The following IGFL4 variants were observed in gnomAD, a reference collection of about 807,000 sequenced individuals.
IGFL4 encodes the protein insulin growth factor-like family member 4.
Under a neutral mutation model 15.4 loss-of-function variants are expected in IGFL4, and 12 were observed. The ratio of observed to expected loss-of-function variants is 0.78; its 90% CI spans 0.50 to 1.26. The LOEUF (loss-of-function observed/expected upper bound fraction) is 1.26, where lower values mean the gene tolerates loss of function less well. Ranked by LOEUF, IGFL4 falls within the 50% of genes most tolerant of loss-of-function variation. The probability of loss-of-function intolerance (pLI) is 0.00; values close to 1 mark genes in which losing one functional copy is unlikely to be tolerated. For missense variants in IGFL4, 126 were observed against 147.8 expected (o/e 0.85, Z 0.76); for synonymous variants, 54 against 55.9 (o/e 0.97, Z 0.16).
chr19:46,042,127 T>G (rs373321393), upstream of IGFL4, among the ~76,000 whole-genome samples: 101,435 of 151,548 alleles, frequency 0.67, 34,531 homozygotes, highest in East Asian at 0.86. Flanking sequence ...TTGTGCTTAT[T>G]TGCACTCCAG....
intron 1 of IGFL4, among the ~76,000 whole-genome samples, chr19:46,069,010 G>A (rs1969520777): frequency 6.6e-6 from 1 of 152,190 alleles, no homozygotes; most frequent in Non-Finnish European, 1.5e-5. Context: ...TGACTGGAGG[G>A]GCAGTGCTGA....
intron 2 of IGFL4, among the ~76,000 whole-genome samples, chr19:46,047,624 T>C (rs1220133236): frequency 1.3e-5 from 2 of 151,994 alleles, no homozygotes; most frequent in Non-Finnish European, 2.9e-5. Context: ...TAAACAAACA[T>C]CACAGAATAC....
At chr19:46,073,231 G>C (rs1314613775) in intron 1 of IGFL4, among the ~76,000 whole-genome samples, 1 of 152,102 alleles carries the variant, frequency 6.6e-6, no homozygotes, top group Non-Finnish European at 1.5e-5. Context: ...ATTTCAAAAT[G>C]GCAGGTTAAA....
exon 2 of IGFL4, chr19:46,060,254 G>A (rs1343205782): frequency 6.6e-6 from 1 of 152,172 alleles, no homozygotes; most frequent in Non-Finnish European, 1.5e-5. Context: ...GTTCACAGGA[G>A]TTAAGCTGTC....
At chr19:46,062,731 G>C (rs1568715138) in intron 1 of IGFL4, 1 of 152,294 alleles carries the variant, frequency 6.6e-6, no homozygotes, top group Non-Finnish European at 1.5e-5. Flanking sequence ...AAAGAACTCA[G>C]GGAGGCCAGA....
chr19:46,040,724 C>A lies in IGFL4; in HGVS notation c.20-156G>T. ...TGCAGGTCCTGGGGACTGGGCTTGG[C>A]AGGTGAGGAAAGGCAGGGAGGGCTC... On this transcript the variant is annotated intron_variant, in intron 1 of 3. Coordinates refer to ENST00000377697, the MANE Select transcript of IGFL4 (RefSeq NM_001002923.3). The surrounding 1 kb of genome is among the most constrained non-coding windows in gnomAD (Gnocchi z 4.1). 1 of 996,028 alleles carries A rather than the reference C, an allele frequency of 1.0e-6. No homozygotes were observed. The highest frequency in any genetic ancestry group is 1.4e-5 in the South Asian group (1 of 70,478). The allele number at this position is 996,028 out of a possible 1,614,324, so 61.7% of individuals were successfully genotyped here.
At chr19:46,076,200 ATC>A (rs946640054) in intron 1 of IGFL4, among the ~76,000 whole-genome samples, 12 of 152,310 alleles carry the variant, frequency 7.9e-5, no homozygotes, top group African/African-American at 2.9e-4. Context: ...TGACCTAATC[ATC>A]TCCTATAAAC....
At chr19:46,060,597 G>C (rs971341701) in intron 1 of IGFL4, among the ~76,000 whole-genome samples, 1 of 152,200 alleles carries the variant, frequency 6.6e-6, no homozygotes, top group Admixed American at 6.5e-5. Context: ...TCTTAGGACA[G>C]CCATAGTCAA....
At chr19:46,067,755 T>G (rs967816773) in intron 1 of IGFL4, among the ~76,000 whole-genome samples, 6 of 152,070 alleles carry the variant, frequency 3.9e-5, no homozygotes, top group Non-Finnish European at 8.8e-5. Flanking sequence ...CAGGTTTGTT[T>G]CTCTCTGGGA....
chr19:46,066,035 G>A (rs1211796967), intron 1 of IGFL4, among the ~76,000 whole-genome samples: 1 of 152,166 alleles, frequency 6.6e-6, no homozygotes, highest in Non-Finnish European at 1.5e-5. Context: ...GGCTGAAAGT[G>A]GAACTTAGCT....
At chr19:46,074,667 A>G (rs1194029144) in intron 1 of IGFL4, among the ~76,000 whole-genome samples, 1 of 152,024 alleles carries the variant, frequency 6.6e-6, no homozygotes, top group Non-Finnish European at 1.5e-5. Flanking sequence ...GTCTTTTCAC[A>G]TTTTTCTGTC....
intron 2 of IGFL4, among the ~76,000 whole-genome samples, chr19:46,051,040 T>C (rs1969340982): frequency 6.6e-6 from 1 of 152,208 alleles, no homozygotes; most frequent in Non-Finnish European, 1.5e-5. Flanking sequence ...AACGCAATTA[T>C]CAGCCAAGAA....
intron 2 of IGFL4, among the ~76,000 whole-genome samples, chr19:46,055,633 G>T (rs924446749): frequency 1.3e-5 from 2 of 152,072 alleles, no homozygotes; most frequent in South Asian, 2.1e-4. Context: ...CTTCAGTTCT[G>T]GTCCTTATAA....
intron 1 of IGFL4, among the ~76,000 whole-genome samples, chr19:46,066,019 C>T (rs1471771403): frequency 6.6e-6 from 1 of 152,062 alleles, no homozygotes; most frequent in African/African-American, 2.4e-5. Flanking sequence ...CCTGAGAGAC[C>T]CTTAAGGCTG....
upstream of IGFL4, among the ~76,000 whole-genome samples, chr19:46,045,399 C>T (rs1188924484): frequency 2.7e-5 from 4 of 149,648 alleles, no homozygotes; most frequent in African/African-American, 9.9e-5. Flanking sequence ...GCTGAGATCG[C>T]GCCACTGCAC....
intron 1 of IGFL4, among the ~76,000 whole-genome samples, chr19:46,069,644 C>T (rs1969527069): frequency 6.6e-6 from 1 of 152,122 alleles, no homozygotes; most frequent in African/African-American, 2.4e-5. Flanking sequence ...GCCTAGATTT[C>T]TATTTTATGG....
In IGFL4 at chr19:46,039,898, G is replaced by A. The variant is rs377102271; in HGVS notation, c.369C>T (p.Leu123=). ...HPKSPVSRSD[L]I is the part of the protein sequence containing the mutation. Reference sequence around the variant, plus strand: ...TCTGCTACCCCAGAACAGTCTAGATGAGGTCAGATCTTGACACAGGGCTTT... The same window carrying A: ...TCTGCTACCCCAGAACAGTCTAGATAAGGTCAGATCTTGACACAGGGCTTT... Residue 123 remains leucine (L), a synonymous_variant, in exon 4 of 4, where the codon CTC becomes CTT. Transcript: ENST00000377697. 6.2e-7 allele frequency: 1 copy of A among 1,611,798 alleles called. No individual in the cohort carries two copies. Among genetic ancestry groups the A allele is most frequent in the Non-Finnish European group, 8.5e-7 (1 of 1,177,994 alleles).
chr19:46,056,962 A>T (rs567993137), intron 2 of IGFL4, among the ~76,000 whole-genome samples: 5 of 152,306 alleles, frequency 3.3e-5, no homozygotes, highest in African/African-American at 9.6e-5. Flanking sequence ...TCTTTGTCTT[A>T]GGCTTCAGAG....
upstream of IGFL4, chr19:46,077,175 C>T (rs1026038763): frequency 3.9e-5 from 6 of 152,146 alleles, no homozygotes; most frequent in Admixed American, 6.5e-5. This position sits in a 1 kb window ranked among gnomAD's most constrained non-coding sequence, Gnocchi z 5.4. Flanking sequence ...GAGCCGTGGG[C>T]GTTCACCCGG....
Sources: allele counts gnomAD v4.1 joint callset (sites outside exome capture counted in the v4.1 genomes callset), GRCh38; gene constraint gnomAD v4.1.1; non-coding constraint Gnocchi (gnomAD v3.1); transcripts MANE v1.5; gene names NCBI Gene and HGNC (gene_info 2026-07-23, HGNC 2026-07-21).